The following LOXL3 variants were observed in gnomAD, a reference collection of about 807,000 sequenced individuals.
The protein encoded by LOXL3 is lysyl oxidase like 3.
LOXL3 carries 60 observed loss-of-function variants against 91.8 expected under a neutral mutation model. That is an observed-to-expected ratio of 0.65 (90% CI 0.53 to 0.81). The LOEUF (loss-of-function observed/expected upper bound fraction) is 0.81. LOXL3 is among the 30% of genes least tolerant of loss of function. The pLI, the probability that LOXL3 is intolerant of heterozygous loss-of-function variation, is 0.00. For missense variants in LOXL3, 874 were observed against 1,000.4 expected, an observed-to-expected ratio of 0.87 and a Z score of 1.70; for synonymous variants, 355 against 387.6, an observed-to-expected ratio of 0.92 and a Z score of 0.99.
In LOXL3 at chr2:74,533,424, CA is replaced by C. The variant is rs557275858; in HGVS notation, c.*181del. On this transcript the variant is annotated 3_prime_UTR_variant, in exon 14 of 14. Transcript: ENST00000264094. ...GAGCAAAGATTCCCATGCTTGGCTA[CA>C]GATACTGACAGCTGGCCTCTGAAGG... The C allele has an allele frequency of 2.5e-5, 15 of 600,532 alleles. No homozygotes were observed. The East Asian group carries it at 4.0e-4, about 16-fold the overall frequency. The allele number at this position is 600,532 out of a possible 1,614,324, so 37.2% of individuals were successfully genotyped here.
upstream of LOXL3, chr2:74,554,750 G>A (rs757047878): frequency 6.2e-7 from 1 of 1,613,396 alleles, no homozygotes; most frequent in South Asian, 1.1e-5. The surrounding 1 kb of genome is among the most constrained non-coding windows in gnomAD (Gnocchi z 4.9). Flanking sequence ...GAACCGCCGG[G>A]GGCCATGGAC....
chr2:74,533,959 C>G lies in LOXL3; in HGVS notation c.2111G>C (p.Ser704Thr). 2 of 1,614,190 alleles carry G rather than the reference C, an allele frequency of 1.2e-6. No individual in the cohort carries two copies. Among genetic ancestry groups the G allele is most frequent in the Non-Finnish European group, 1.7e-6 (2 of 1,180,040 alleles). Residue 704 changes from serine (S) to threonine (T), a missense_variant, in exon 13 of 14, where the codon AGT becomes ACT. Coordinates refer to ENST00000264094, the MANE Select transcript of LOXL3 (RefSeq NM_032603.5). ...VINPNFEVAE[S>T]DFTNNAMKCN... Reference sequence around the variant, plus strand: ...TTTCATTGCATTGTTGGTAAAGTCACTCTCTGCTACTTCAAAGTTTGGGTT... The same window carrying G: ...TTTCATTGCATTGTTGGTAAAGTCAGTCTCTGCTACTTCAAAGTTTGGGTT...
Position 74,536,742 on chromosome 2 carries a change from C to G in LOXL3, c.879G>C (p.Gln293His). 1 of 1,614,234 alleles carries G rather than the reference C, an allele frequency of 6.2e-7. No individual in the cohort carries two copies. The highest frequency in any genetic ancestry group is 8.5e-7 in the Non-Finnish European group (1 of 1,180,034). Reference sequence around the variant, plus strand: ...GAGGCTTCGACTGTTGTTGCTTCTTCTGGCCACTGGATGCCGCGTAGACAG... The same window carrying G: ...GAGGCTTCGACTGTTGTTGCTTCTTGTGGCCACTGGATGCCGCGTAGACAG... ...PGPVYAASSG[Q>H]KKQQQSKPQG... The change falls in exon 5 of 14, where the codon CAG becomes CAC. Residue 293 changes from glutamine to histidine, a missense_variant. By Grantham distance (24) the Gln-to-His change is conservative. Transcript: ENST00000264094. The surrounding 1 kb of genome is among the most constrained non-coding windows in gnomAD (Gnocchi z 4.5).
rs1361330251 is a variant in LOXL3 at position 74,534,176 on chromosome 2, C to CA, written c.1999dup (p.Trp667LeufsTer7). On this transcript the variant is annotated frameshift_variant, in exon 12 of 14. Transcript: ENST00000264094. LOFTEE classifies it high-confidence loss of function. ...GTCAATGTCATGCCGGTAGAGATCCCAGCAACCCACAGTGATGCCTTGCTC... is the reference window on the plus strand; with the variant it reads ...GTCAATGTCATGCCGGTAGAGATCCCAAGCAACCCACAGTGATGCCTTGCTC... The CA allele has an allele frequency of 1.2e-6, 2 of 1,614,206 alleles. No individual in the cohort carries two copies. Among genetic ancestry groups the CA allele is most frequent in the East Asian group, 2.2e-5 (1 of 44,890 alleles).
In LOXL3 at chr2:74,542,214, G is replaced by A. The variant is rs570098613; in HGVS notation, c.693-5286C>T. 5.2e-3 allele frequency among the ~76,000 whole-genome samples: 792 copies of A among 152,278 alleles called. 4 individuals are homozygous for A. The highest frequency in any genetic ancestry group is 7.8e-3 in the Non-Finnish European group (533 of 68,014). The stretch of plus-strand genomic sequence containing the variant: ...AGGCTGAGATGGGATGATCGCTTGA[G>A]CCCAAGAGGTCGAGGTTGCAGTGAG... On this transcript the variant is annotated intron_variant, in intron 4 of 13. Coordinates refer to ENST00000264094, the MANE Select transcript of LOXL3 (RefSeq NM_032603.5).
Position 74,533,462 on chromosome 2 carries a change from T to G in LOXL3, c.*144A>C. 1.5e-6 allele frequency: 1 copy of G among 687,292 alleles called. No homozygotes were observed. Among genetic ancestry groups the G allele is most frequent in the African/African-American group, 1.8e-5 (1 of 56,238 alleles). 42.6% of individuals were successfully genotyped at this position (687,292 alleles called of 1,614,324 possible). ...CTGGCCTCTGAAGGAGGGTGAAAAC[T>G]TCTGCTTGACAGTTCCACATCCATA... is the stretch of plus-strand genomic sequence containing the variant. On this transcript the variant is annotated 3_prime_UTR_variant, in exon 14 of 14. Transcript: ENST00000264094.
rs1675961815 is a variant in LOXL3 at position 74,535,490 on chromosome 2, G to A, written c.1417-36C>T. On this transcript the variant is annotated intron_variant, in intron 8 of 13. Coordinates refer to ENST00000264094, the MANE Select transcript of LOXL3 (RefSeq NM_032603.5). This position sits in a 1 kb window ranked among gnomAD's most constrained non-coding sequence, Gnocchi z 4.2. Reference sequence around the variant, plus strand: ...ATGCAGATGTTTCTGTAAGGCCCAGGATCCAGCATCTTGGGCCAAGGGACT... The same window carrying A: ...ATGCAGATGTTTCTGTAAGGCCCAGAATCCAGCATCTTGGGCCAAGGGACT... 4 of 1,612,900 alleles carry A rather than the reference G, an allele frequency of 2.5e-6. No individual in the cohort carries two copies. The highest frequency in any genetic ancestry group is 1.1e-5 in the South Asian group (1 of 91,078).
Position 74,547,346 on chromosome 2 carries a change from C to T in LOXL3, c.692+2023G>A, listed in dbSNP as rs10153592. On this transcript the variant is annotated intron_variant, in intron 4 of 13. Transcript: ENST00000264094. ...AACAGTACCTGGCACATAGTAAGATCTCAGTAAATAAATATTGGGTGAGTG... is the reference window on the plus strand; with the variant it reads ...AACAGTACCTGGCACATAGTAAGATTTCAGTAAATAAATATTGGGTGAGTG... Among the ~76,000 whole-genome samples, 434 of 152,270 alleles carry T rather than the reference C, an allele frequency of 2.9e-3. 5 individuals carry two copies. Among genetic ancestry groups the T allele is most frequent in the African/African-American group, 9.8e-3 (409 of 41,544 alleles).
Position 74,535,888 on chromosome 2 carries a change from G to A in LOXL3, c.1248+108C>T. 6.8e-7 allele frequency: 1 copy of A among 1,477,360 alleles called. No homozygotes were observed. Among genetic ancestry groups the A allele is most frequent in the Non-Finnish European group, 9.0e-7 (1 of 1,108,192 alleles). 91.5% of individuals were successfully genotyped at this position (1,477,360 alleles called of 1,614,324 possible). A position where few individuals can be genotyped will look rare whatever the true frequency, so the allele number is the denominator to read the frequency against. On this transcript the variant is annotated intron_variant, in intron 7 of 13. Transcript: ENST00000264094. The surrounding 1 kb of genome is among the most constrained non-coding windows in gnomAD (Gnocchi z 4.2). Reference sequence around the variant, plus strand: ...GTGATGGGTCAGGTGGGAGCTGCAGGAGGGCAGGGGCCTGGGGCAATGGGC... The same window carrying A: ...GTGATGGGTCAGGTGGGAGCTGCAGAAGGGCAGGGGCCTGGGGCAATGGGC...
chr2:74,532,902 C>G lies in LOXL3; in HGVS notation c.*704G>C, dbSNP rs746665790. Reference sequence around the variant, plus strand: ...TGCTGAAGATGTTTATGAAGCTGTTCGAACCCAATCCCAGTTGGCAGTGCA... The same window carrying G: ...TGCTGAAGATGTTTATGAAGCTGTTGGAACCCAATCCCAGTTGGCAGTGCA... On this transcript the variant is annotated 3_prime_UTR_variant, in exon 14 of 14. Coordinates refer to ENST00000264094, the MANE Select transcript of LOXL3 (RefSeq NM_032603.5). 3 of 1,614,022 alleles carry G rather than the reference C, an allele frequency of 1.9e-6. No individual in the cohort carries two copies. Among genetic ancestry groups the G allele is most frequent in the African/African-American group, 1.3e-5 (1 of 74,996 alleles).
In LOXL3 at chr2:74,536,992, C is replaced by T; in HGVS notation, c.693-64G>A. The T allele has an allele frequency of 7.5e-7, 1 of 1,332,614 alleles. No homozygotes were observed. 82.5% of individuals were successfully genotyped at this position (1,332,614 alleles called of 1,614,324 possible). On this transcript the variant is annotated intron_variant, in intron 4 of 13. Coordinates refer to ENST00000264094, the MANE Select transcript of LOXL3 (RefSeq NM_032603.5). This position sits in a 1 kb window ranked among gnomAD's most constrained non-coding sequence, Gnocchi z 4.5. The stretch of plus-strand genomic sequence containing the variant: ...TGCTCCTGCCTCTTGGCCCCACAAA[C>T]ATCCTCCCACTTCATGCCTCCACCA...
chr2:74,536,302 C>G lies in LOXL3; in HGVS notation c.1082G>C (p.Arg361Pro), dbSNP rs765857380. Residue 361 changes from arginine to proline, a missense_variant, in exon 6 of 14, where the codon CGC (arginine) becomes CCC (proline). By Grantham distance (103) the Arg-to-Pro change is moderately radical. Coordinates refer to ENST00000264094, the MANE Select transcript of LOXL3 (RefSeq NM_032603.5). This position sits in a 1 kb window ranked among gnomAD's most constrained non-coding sequence, Gnocchi z 4.5. ...CCATGCCACCTCACCCTGCCCCATG[C>G]GAGCGCCACTCAGAGCTTCTCGAGC... ...GSAREALSGARMGQGMGAIHL... is the reference protein window; with the variant it reads ...GSAREALSGAPMGQGMGAIHL... 6.2e-7 allele frequency: 1 copy of G among 1,613,604 alleles called. No homozygotes were observed. The highest frequency in any genetic ancestry group is 2.2e-5 in the East Asian group (1 of 44,878).
Position 74,536,792 on chromosome 2 carries a change from C to A in LOXL3, c.829G>T (p.Ala277Ser), listed in dbSNP as rs1676053343. ...DTARCPGGGP[A>S]VVSCVPGPVY... ...GGGCCTGGCACACAGCTCACCACTGCAGGGCCCCCCCCAGGGCACCTGGCG... is the reference window on the plus strand; with the variant it reads ...GGGCCTGGCACACAGCTCACCACTGAAGGGCCCCCCCCAGGGCACCTGGCG... Residue 277 changes from alanine to serine, a missense_variant, in exon 5 of 14, where the codon GCA becomes TCA. By Grantham distance (99) the Ala-to-Ser change is moderately conservative. Transcript: ENST00000264094. The surrounding 1 kb of genome is among the most constrained non-coding windows in gnomAD (Gnocchi z 4.5). 1.9e-6 allele frequency: 3 copies of A among 1,614,096 alleles called. No homozygotes were observed. Among genetic ancestry groups the A allele is most frequent in the Non-Finnish European group, 2.5e-6 (3 of 1,180,036 alleles).
chr2:74,534,797 TGTTAGAAGTCAC>T, intron 9 of LOXL3, 23 bp from the exon 10 acceptor site: 1 of 1,603,124 alleles, frequency 6.2e-7, no homozygotes, highest in Admixed American at 1.7e-5. Flanking sequence ...AGGAAGGGGG[TGTTAGAAGTCAC>T]TGCTGACTTC....
chr2:74,550,162 G>T (rs753617669), intron 3 of LOXL3, 23 bp downstream of exon 3: 5 of 1,607,220 alleles, frequency 3.1e-6, no homozygotes, highest in Non-Finnish European at 4.3e-6. Flanking sequence ...TAGTGTGTGT[G>T]TGTATGTCTA....
At chr2:74,545,855 T>C (rs921070654) in intron 4 of LOXL3, among the ~76,000 whole-genome samples, 1 of 152,228 alleles carries the variant, frequency 6.6e-6, no homozygotes, top group Non-Finnish European at 1.5e-5. Flanking sequence ...CAGGACTTTA[T>C]ATGTTTTACT....
upstream of LOXL3, chr2:74,555,077 C>G: frequency 6.6e-7 from 1 of 1,514,250 alleles, no homozygotes; most frequent in South Asian, 1.3e-5. The surrounding 1 kb of genome is among the most constrained non-coding windows in gnomAD (Gnocchi z 6.1). Context: ...CGACTTGCGC[C>G]GCAACCTCCT....
At position 74,532,551 on chromosome 2, in the gene LOXL3, C is replaced by A; in HGVS notation, c.*1055G>T. On this transcript the variant is annotated 3_prime_UTR_variant, in exon 14 of 14. Coordinates refer to ENST00000264094, the MANE Select transcript of LOXL3 (RefSeq NM_032603.5). ...TATTTATCAATGTGTTGATGAGAGA[C>A]TTGAGGTGGAACTCAGGATGGGGAG... 8.2e-7 allele frequency: 1 copy of A among 1,219,032 alleles called. No homozygotes were observed. Among genetic ancestry groups the A allele is most frequent in the Non-Finnish European group, 1.2e-6 (1 of 829,750 alleles). 75.5% of individuals were successfully genotyped at this position (1,219,032 alleles called of 1,614,324 possible). A position where few individuals can be genotyped will look rare whatever the true frequency, so the allele number is the denominator to read the frequency against.
chr2:74,533,397 G>C lies in LOXL3; in HGVS notation c.*209C>G. The C allele has an allele frequency of 1.7e-6, 1 of 577,424 alleles. No individual in the cohort carries two copies. The highest frequency in any genetic ancestry group is 3.2e-4 in the Middle Eastern group (1 of 3,156). 35.8% of individuals were successfully genotyped at this position (577,424 alleles called of 1,614,324 possible). ...GTCTGTTCTGCTCGGTGCTGGGCCTGGGAGCAAAGATTCCCATGCTTGGCT... is the reference window on the plus strand; with the variant it reads ...GTCTGTTCTGCTCGGTGCTGGGCCTCGGAGCAAAGATTCCCATGCTTGGCT... On this transcript the variant is annotated 3_prime_UTR_variant, in exon 14 of 14. Transcript: ENST00000264094.
Sources: gnomAD v4.1 joint callset for allele counts (sites outside exome capture counted in the v4.1 genomes callset) on GRCh38, gnomAD v4.1.1 for gene constraint, Gnocchi (gnomAD v3.1) non-coding constraint, MANE v1.5 for transcripts, NCBI Gene and HGNC (gene_info 2026-07-23, HGNC 2026-07-21) for gene names.